KCNN1: variants seen among roughly 807,000 people sequenced by gnomAD.
KCNN1 encodes small conductance calcium-activated potassium channel protein 1.
In KCNN1, 20 loss-of-function variants were observed where a neutral mutation model predicts 44.7. The observed-to-expected ratio is 0.45, with a 90% confidence interval of 0.32 to 0.65. The LOEUF (loss-of-function observed/expected upper bound fraction) is 0.65. Ranked by LOEUF, KCNN1 falls within the 30% of genes least tolerant of loss-of-function variation. KCNN1 has a pLI of 0.05. For synonymous variants in KCNN1, 324 were observed against 341.7 expected (o/e 0.95, Z 0.57); for missense variants, 632 against 785.3 (o/e 0.80, Z 2.33).
intron 5 of KCNN1, among the ~76,000 whole-genome samples, chr19:17,986,189 C>A (rs1172116034): frequency 6.6e-6 from 1 of 150,786 alleles, no homozygotes; most frequent in Non-Finnish European, 1.5e-5. Context: ...CGTGGTGAGA[C>A]CCAGTCTGTA....
rs781166147 is a variant in KCNN1, at chr19:17,988,535, G to A, written c.1170+10G>A. 7 of 1,605,360 alleles carry A rather than the reference G, an allele frequency of 4.4e-6. No homozygotes were observed. Among genetic ancestry groups the A allele is most frequent in the East Asian group, 4.5e-5 (2 of 44,800 alleles). ...TCAGCTCACCAAGCGGGTGAGGACCGCGGTTCCCATGGAGGCCGCCTCCTG... is the reference window on the plus strand; with the variant it reads ...TCAGCTCACCAAGCGGGTGAGGACCACGGTTCCCATGGAGGCCGCCTCCTG... On this transcript the variant is annotated intron_variant, in intron 6 of 9. Coordinates refer to ENST00000684775, the MANE Select transcript of KCNN1 (RefSeq NM_001386974.1).
rs1195461639 is a variant in KCNN1, at chr19:17,981,839, C to T, written c.629C>T (p.Thr210Met). Residue 210 changes from threonine to methionine, a missense_variant, in exon 4 of 10, where the codon ACG becomes ATG. Around this residue, in one of 3 missense-constraint regions of KCNN1, gnomAD observed 160 missense variants for 308.3 expected, o/e 0.52. Coordinates refer to ENST00000684775, the MANE Select transcript of KCNN1 (RefSeq NM_001386974.1). ...PVPGHYRFTW[T>M]ARLAFTYAPS... ...CCCGGCCACTACCGCTTCACGTGGA[C>T]GGCGCGGCTGGCCTTCACGTACGCG... The T allele has an allele frequency of 2.5e-6, 4 of 1,612,760 alleles. No individual in the cohort carries two copies. Among genetic ancestry groups the T allele is most frequent in the African/African-American group, 2.7e-5 (2 of 74,928 alleles).
At chr19:17,961,487 G>A (rs1050732714) in intron 2 of KCNN1, among the ~76,000 whole-genome samples, 4 of 152,078 alleles carry the variant, frequency 2.6e-5, no homozygotes, top group African/African-American at 4.8e-5. Context: ...TGCAATGGGC[G>A]TGATCGTGCC....
Position 17,981,850 on chromosome 19 carries a change from G to C in KCNN1, c.640G>C (p.Ala214Pro), listed in dbSNP as rs1462278879. Residue 214 changes from alanine to proline, a missense_variant, in exon 4 of 10, where the codon GCC becomes CCC. Physicochemically the swap from Ala to Pro is conservative, Grantham distance 27. This residue lies in a region of KCNN1 where 160 missense variants were observed against 308.3 expected (regional missense o/e 0.52). Coordinates refer to ENST00000684775, the MANE Select transcript of KCNN1 (RefSeq NM_001386974.1). ...CCGCTTCACGTGGACGGCGCGGCTG[G>C]CCTTCACGTACGCGCCCTCGGTGGC... is the stretch of plus-strand genomic sequence containing the variant. ...HYRFTWTARLAFTYAPSVAEA... is the reference protein window; with the variant it reads ...HYRFTWTARLPFTYAPSVAEA... 6 of 1,612,612 alleles carry C rather than the reference G, an allele frequency of 3.7e-6. No homozygotes were observed. The Admixed American group carries it at 1.0e-4, about 27-fold the overall frequency.
At chr19:17,979,689 G>GA (rs1204854631) in intron 3 of KCNN1, among the ~76,000 whole-genome samples, 1 of 152,064 alleles carries the variant, frequency 6.6e-6, no homozygotes, top group Non-Finnish European at 1.5e-5. Flanking sequence ...GTACCCCATG[G>GA]AGGGTGAGCA....
intron 4 of KCNN1, among the ~76,000 whole-genome samples, 161 bp from the exon 5 acceptor site, chr19:17,985,151 C>T (rs771626498): frequency 1.4e-4 from 21 of 152,060 alleles, no homozygotes; most frequent in African/African-American, 3.9e-4. Flanking sequence ...AGGGCTGTAG[C>T]GGGGGAGAGG....
intron 7 of KCNN1, among the ~76,000 whole-genome samples, chr19:17,991,987 A>G (rs753183636): frequency 5.1e-4 from 77 of 152,184 alleles, no homozygotes; most frequent in Non-Finnish European, 9.1e-4. Context: ...TCACGTGAGC[A>G]ACATATATAA....
chr19:17,981,663 G>A (rs536886746), intron 3 of KCNN1, 46 bp from the exon 4 acceptor site: 34 of 1,518,282 alleles, frequency 2.2e-5, no homozygotes, highest in Non-Finnish European at 2.7e-5. Context: ...CAGGGAGCGC[G>A]GCGCGTGTCT....
chr19:17,975,298 C>A, intron 3 of KCNN1, 111 bp downstream of exon 3: 1 of 698,082 alleles, frequency 1.4e-6, no homozygotes. Flanking sequence ...GTATAATTGG[C>A]TTCTGATAGA....
chr19:17,961,287 T>G (rs1432423257), intron 2 of KCNN1, among the ~76,000 whole-genome samples: 3 of 151,856 alleles, frequency 2.0e-5, no homozygotes, highest in Non-Finnish European at 4.4e-5. Flanking sequence ...GCAAAAACCT[T>G]GTTTCCAGGC....
chr19:17,997,914 AAGAG>A lies in KCNN1; in HGVS notation c.1378-234_1378-231del, dbSNP rs1414435405. On this transcript the variant is annotated intron_variant, in intron 9 of 9. Coordinates refer to ENST00000684775, the MANE Select transcript of KCNN1 (RefSeq NM_001386974.1). Reference sequence around the variant, plus strand: ...CTCTGTCTCAAAGAAAAAAAAAAAAAAGAGAGAAAGAAAAGACCAGTCTCTCCCC... The same window carrying A: ...CTCTGTCTCAAAGAAAAAAAAAAAAAAGAAAGAAAAGACCAGTCTCTCCCC... 2.0e-3 allele frequency among the ~76,000 whole-genome samples: 306 copies of A among 151,068 alleles called. 2 individuals are homozygous for A. The highest frequency in any genetic ancestry group is 7.1e-3 in the African/African-American group (295 of 41,260).
chr19:17,978,717 T>C (rs906124130), intron 3 of KCNN1, among the ~76,000 whole-genome samples: 29 of 150,702 alleles, frequency 1.9e-4, no homozygotes, highest in Non-Finnish European at 4.0e-4. Flanking sequence ...CCTCCTAAAG[T>C]GTTGGGATTA....
Position 17,993,839 on chromosome 19 carries a change from G to A in KCNN1, c.1377+280G>A, listed in dbSNP as rs1054628897. ...GGAGGAGAATCGCTTGAACTTGGGGGGTTGAGGCTGCAGTGAGCCGAGATG... is the reference window on the plus strand; with the variant it reads ...GGAGGAGAATCGCTTGAACTTGGGGAGTTGAGGCTGCAGTGAGCCGAGATG... On this transcript the variant is annotated intron_variant, in intron 9 of 9. Transcript: ENST00000684775. This position sits in a 1 kb window ranked among gnomAD's most constrained non-coding sequence, Gnocchi z 4.5. Among the ~76,000 whole-genome samples, 10 of 152,140 alleles carry A rather than the reference G, an allele frequency of 6.6e-5. No individual in the cohort carries two copies. The highest frequency in any genetic ancestry group is 5.9e-5 in the Non-Finnish European group (4 of 68,022).
At position 17,999,865 on chromosome 19, in the gene KCNN1, C is replaced by G. The variant is rs926123733; in HGVS notation, c.*1459C>G. On this transcript the variant is annotated 3_prime_UTR_variant, in exon 10 of 10. Coordinates refer to ENST00000684775, the MANE Select transcript of KCNN1 (RefSeq NM_001386974.1). ...GGTGCATGAATGACCAGCTTGGGCC[C>G]ACGCACGAGAAGGGTATGAGGAGGT... 7 of 419,360 alleles carry G rather than the reference C, an allele frequency of 1.7e-5. No individual in the cohort carries two copies. Among genetic ancestry groups the G allele is most frequent in the African/African-American group, 1.2e-4 (6 of 48,942 alleles). The allele number at this position is 419,360 out of a possible 1,614,324, so 26.0% of individuals were successfully genotyped here. A position where few individuals can be genotyped will look rare whatever the true frequency, so the allele number is the denominator to read the frequency against.
chr19:17,969,146 G>A (rs1484443962), intron 1 of KCNN1, among the ~76,000 whole-genome samples: 1 of 152,078 alleles, frequency 6.6e-6, no homozygotes, highest in Non-Finnish European at 1.5e-5. Flanking sequence ...TGCAGTGGGG[G>A]AGGGGATGTG....
intron 1 of KCNN1, among the ~76,000 whole-genome samples, chr19:17,973,411 G>C (rs2032090651): frequency 6.6e-6 from 1 of 152,220 alleles, no homozygotes; most frequent in Admixed American, 6.5e-5. Context: ...CTCCCACGCA[G>C]CTGGGACTAC....
In KCNN1 at chr19:17,998,297, GCCCACCCCC is replaced by G. The variant is rs2033070911; in HGVS notation, c.1524_1532del (p.Pro511_Pro513del). On this transcript the variant is annotated inframe_deletion, in exon 10 of 10. Transcript: ENST00000684775. The surrounding 1 kb of genome is among the most constrained non-coding windows in gnomAD (Gnocchi z 5.4). ...CCTGGCCTCATCGCCCAAGCCATAC[GCCCACCCCC>G]GCCTCCCCTGCCTCCCAGGCCCGGC... The G allele has an allele frequency of 6.5e-7, 1 of 1,544,218 alleles. No individual in the cohort carries two copies. The highest frequency in any genetic ancestry group is 2.4e-5 in the East Asian group (1 of 41,318).
chr19:17,991,610 G>A (rs1242091064), intron 7 of KCNN1, among the ~76,000 whole-genome samples: 5 of 151,582 alleles, frequency 3.3e-5, no homozygotes, highest in Admixed American at 1.3e-4. Flanking sequence ...GCACGTGCCT[G>A]TAGGTTGTAC....
chr19:17,953,727 G>A (rs749142627), intron 1 of KCNN1, among the ~76,000 whole-genome samples: 21 of 152,296 alleles, frequency 1.4e-4, no homozygotes, highest in Non-Finnish European at 2.6e-4. Context: ...TCAGGAGTTC[G>A]AGACCAGCCT....
Sources: allele counts gnomAD v4.1 joint callset (sites outside exome capture counted in the v4.1 genomes callset), GRCh38; gene constraint gnomAD v4.1.1; regional missense constraint gnomAD v4.1.1; non-coding constraint Gnocchi (gnomAD v3.1); transcripts MANE v1.5; gene names NCBI Gene and HGNC (gene_info 2026-07-23, HGNC 2026-07-21).